Variants in NELL2 observed in about 807,000 individuals in gnomAD.
NELL2 encodes protein kinase C-binding protein NELL2.
A neutral mutation model predicts 109.6 loss-of-function variants in NELL2; 41 were observed. That is an observed-to-expected ratio of 0.37 (90% CI 0.29 to 0.49). The LOEUF is 0.49. NELL2 is among the 20% of genes least tolerant of loss of function. The pLI is 0.98. For synonymous variants in NELL2, 355 were observed against 344.7 expected (o/e 1.03, Z -0.33); for missense variants, 900 against 1,008.3 (o/e 0.89, Z 1.45).
intron 9 of NELL2, among the ~76,000 whole-genome samples, chr12:44,751,361 C>G (rs1940642977): frequency 6.6e-6 from 1 of 152,020 alleles, no homozygotes; most frequent in Non-Finnish European, 1.5e-5. Flanking sequence ...GGGAGTGGCT[C>G]AGGTGCTGGA....
intron 12 of NELL2, among the ~76,000 whole-genome samples, chr12:44,669,599 T>C (rs1948067375): frequency 6.6e-6 from 1 of 151,106 alleles, no homozygotes; most frequent in Non-Finnish European, 1.5e-5. Flanking sequence ...AAGAATAAAA[T>C]AAAAAATGTA....
At chr12:44,832,795 C>T (rs1943927221) in intron 2 of NELL2, among the ~76,000 whole-genome samples, 1 of 152,202 alleles carries the variant, frequency 6.6e-6, no homozygotes, top group South Asian at 2.1e-4. Flanking sequence ...ACTCTCCTTT[C>T]CCTTTGGAAA....
intron 12 of NELL2, among the ~76,000 whole-genome samples, chr12:44,667,074 G>T (rs1947949198): frequency 6.6e-6 from 1 of 151,862 alleles, no homozygotes; most frequent in Admixed American, 6.6e-5. Context: ...GCTACCTCAG[G>T]ATTTTGTAAA....
intron 12 of NELL2, among the ~76,000 whole-genome samples, chr12:44,681,284 T>G (rs1948490306): frequency 6.6e-6 from 1 of 150,376 alleles, no homozygotes; most frequent in Non-Finnish European, 1.5e-5. Flanking sequence ...GTTTTGTTTT[T>G]TTTTTAACGT....
intron 1 of NELL2, among the ~76,000 whole-genome samples, chr12:44,919,384 T>A (rs920896354): frequency 6.6e-6 from 1 of 152,066 alleles, no homozygotes; most frequent in African/African-American, 2.4e-5. Flanking sequence ...AATAACCGTA[T>A]GTTGAATGTA....
intron 9 of NELL2, among the ~76,000 whole-genome samples, chr12:44,737,364 T>TTTTTTTTTTTTTTTTTTTGAGACAG (rs1555207802): frequency 6.6e-6 from 1 of 151,534 alleles, no homozygotes; most frequent in Non-Finnish European, 1.5e-5. Context: ...ATAACTTTTT[T>TTTTTTTTTTTTTTTTTTTGAGACAG]ATAATAAACA....
chr12:44,822,770 T>C (rs1019455071), intron 2 of NELL2, among the ~76,000 whole-genome samples: 6 of 152,224 alleles, frequency 3.9e-5, no homozygotes, highest in African/African-American at 1.4e-4. Context: ...AAAGCAATTA[T>C]TAATAAATAA....
intron 2 of NELL2, among the ~76,000 whole-genome samples, chr12:44,863,344 C>T (rs1944896878): frequency 6.6e-6 from 1 of 152,214 alleles, no homozygotes; most frequent in South Asian, 2.1e-4. Flanking sequence ...CCAAATAAGA[C>T]TATATCATGA....
At chr12:44,856,050 C>T (rs1944674317) in intron 2 of NELL2, among the ~76,000 whole-genome samples, 1 of 152,154 alleles carries the variant, frequency 6.6e-6, no homozygotes, top group Non-Finnish European at 1.5e-5. Flanking sequence ...CAATTCAGTG[C>T]CACAAGTATT....
At chr12:44,521,732 C>A (rs1362747939) in intron 18 of NELL2, among the ~76,000 whole-genome samples, 1 of 151,884 alleles carries the variant, frequency 6.6e-6, no homozygotes, top group Non-Finnish European at 1.5e-5. Flanking sequence ...AGAGTCTTTT[C>A]TTTTGAGCTA....
chr12:44,787,555 A>G (rs1235322316), intron 3 of NELL2, among the ~76,000 whole-genome samples: 1 of 152,204 alleles, frequency 6.6e-6, no homozygotes, highest in Non-Finnish European at 1.5e-5. Flanking sequence ...CCCAATTCAA[A>G]GACTTTATAC....
chr12:44,905,647 T>A (rs1945711256), intron 1 of NELL2, among the ~76,000 whole-genome samples: 1 of 152,246 alleles, frequency 6.6e-6, no homozygotes, highest in South Asian at 2.1e-4. Context: ...TCCCAAATTA[T>A]TTTTTAAGAT....
intron 15 of NELL2, among the ~76,000 whole-genome samples, chr12:44,576,028 T>C (rs987854366): frequency 1.3e-5 from 2 of 152,194 alleles, no homozygotes; most frequent in African/African-American, 2.4e-5. Context: ...ATTGGTCCTC[T>C]TTCCGTTCCT....
intron 15 of NELL2, among the ~76,000 whole-genome samples, chr12:44,574,899 T>C (rs186083045): frequency 6.6e-6 from 1 of 152,234 alleles, no homozygotes; most frequent in Non-Finnish European, 1.5e-5. Flanking sequence ...CATTCCCTGT[T>C]TCTCTGCTTT....
At position 44,739,509 on chromosome 12, in the gene NELL2, C is replaced by T. The variant is rs572206854; in HGVS notation, c.995-24768G>A. On this transcript the variant is annotated intron_variant, in intron 9 of 19. Coordinates refer to ENST00000429094, the MANE Select transcript of NELL2 (RefSeq NM_001145108.2). Reference sequence around the variant, plus strand: ...ACAGGCTTGTGGCTAAGAATAGCTCCATATCTTAAAATGGTTGGAAAAAAT... The same window carrying T: ...ACAGGCTTGTGGCTAAGAATAGCTCTATATCTTAAAATGGTTGGAAAAAAT... Among the ~76,000 whole-genome samples, 341 of 152,244 alleles carry T rather than the reference C, an allele frequency of 2.2e-3. 1 individual carries two copies. The highest frequency in any genetic ancestry group is 4.0e-3 in the Non-Finnish European group (270 of 68,018).
At chr12:44,865,969 C>T (rs11504491) in intron 2 of NELL2, among the ~76,000 whole-genome samples, 21,657 of 151,992 alleles carry the variant, frequency 0.14, 1,764 homozygotes, top group East Asian at 0.23. Context: ...GTGATATTAT[C>T]AAGAGGTGGG....
intron 1 of NELL2, among the ~76,000 whole-genome samples, chr12:44,911,968 A>G (rs1945784768): frequency 6.6e-6 from 1 of 151,162 alleles, no homozygotes; most frequent in Non-Finnish European, 1.5e-5. Flanking sequence ...TTAAAGTATA[A>G]TAATAATAAA....
chr12:44,694,423 C>T lies in NELL2; in HGVS notation c.1318+9303G>A, dbSNP rs76993625. On this transcript the variant is annotated intron_variant, in intron 12 of 19. Coordinates refer to ENST00000429094, the MANE Select transcript of NELL2 (RefSeq NM_001145108.2). ...CTCTCCTGAGTCTCCAGCTTACCCA[C>T]TCCAGATTTTGAGACCTGACAACCT... 7.3e-3 allele frequency among the ~76,000 whole-genome samples: 1,108 copies of T among 152,008 alleles called. 9 individuals carry two copies. The highest frequency in any genetic ancestry group is 0.021 in the African/African-American group (872 of 41,452).
intron 3 of NELL2, among the ~76,000 whole-genome samples, chr12:44,803,385 T>C (rs1276979147): frequency 6.6e-6 from 1 of 152,012 alleles, no homozygotes; most frequent in Admixed American, 6.6e-5. Flanking sequence ...AACTGGAAGG[T>C]TATATGTTGG....
Sources: gnomAD v4.1 joint callset for allele counts (sites outside exome capture counted in the v4.1 genomes callset) on GRCh38, gnomAD v4.1.1 for gene constraint, MANE v1.5 for transcripts, NCBI Gene and HGNC (gene_info 2026-07-23, HGNC 2026-07-21) for gene names.